Variants in ROBO2 observed in about 807,000 individuals in gnomAD.
The protein encoded by ROBO2 is roundabout homolog 2.
ROBO2 carries 53 observed loss-of-function variants against 160.8 expected under a neutral mutation model. That is an observed-to-expected ratio of 0.33 (90% CI 0.26 to 0.41). The LOEUF (loss-of-function observed/expected upper bound fraction) is 0.41, where lower values mean the gene tolerates loss of function less well. Among genes scored for constraint, ROBO2 ranks in the 10% least tolerant of loss-of-function variants. The pLI is 1.00. For missense variants in ROBO2, 1,577 were observed against 1,722.4 expected, an observed-to-expected ratio of 0.92 and a Z score of 1.49; for synonymous variants, 664 against 611.7, an observed-to-expected ratio of 1.09 and a Z score of -1.26.
At chr3:76,008,250 A>AAAAAG (rs1243693224) in intron 2 of ROBO2, among the ~76,000 whole-genome samples, 3 of 151,030 alleles carry the variant, frequency 2.0e-5, no homozygotes, top group African/African-American at 4.9e-5. Context: ...AAAAAAAAAA[A>AAAAAG]AAAAGAAAAG....
intron 2 of ROBO2, among the ~76,000 whole-genome samples, chr3:77,316,563 T>G (rs1208663776): frequency 1.3e-5 from 2 of 152,170 alleles, no homozygotes; most frequent in Non-Finnish European, 2.9e-5. Context: ...TGAAAGGATC[T>G]TTTTTGGAAA....
At chr3:75,978,271 C>T (rs931085240) in intron 2 of ROBO2, among the ~76,000 whole-genome samples, 3 of 151,388 alleles carry the variant, frequency 2.0e-5, no homozygotes, top group Non-Finnish European at 4.4e-5. Flanking sequence ...CACTAATGGG[C>T]TCTCCTTTTG....
intron 2 of ROBO2, among the ~76,000 whole-genome samples, chr3:76,572,106 A>C (rs72904561): frequency 0.046 from 7,069 of 152,244 alleles, 612 homozygotes; most frequent in African/African-American, 0.16. Flanking sequence ...TGTGGCACTT[A>C]CTATGTGTCA....
At chr3:76,198,178 G>A (rs1194305356) in intron 2 of ROBO2, among the ~76,000 whole-genome samples, 1 of 151,010 alleles carries the variant, frequency 6.6e-6, no homozygotes, top group African/African-American at 2.4e-5. Context: ...GGGAAGGGGA[G>A]ATCAGACATA....
At chr3:76,066,020 T>C (rs1452562585) in intron 2 of ROBO2, among the ~76,000 whole-genome samples, 5 of 151,584 alleles carry the variant, frequency 3.3e-5, no homozygotes, top group Admixed American at 3.3e-4. Flanking sequence ...GTTCCAAGAA[T>C]TCTCACTTTA....
intron 2 of ROBO2, among the ~76,000 whole-genome samples, chr3:77,124,689 ATAG>A (rs1455742701): frequency 6.6e-6 from 1 of 152,148 alleles, no homozygotes; most frequent in East Asian, 1.9e-4. Flanking sequence ...GGCTTCAGAA[ATAG>A]TAGTGCAGTT....
At chr3:77,094,134 C>T (rs1203367036) in intron 1 of ROBO2, among the ~76,000 whole-genome samples, 4 of 152,092 alleles carry the variant, frequency 2.6e-5, no homozygotes, top group African/African-American at 9.7e-5. Flanking sequence ...GCAGCACTTG[C>T]CCAGACCCCC....
intron 2 of ROBO2, among the ~76,000 whole-genome samples, chr3:76,318,495 G>A (rs1215838894): frequency 6.6e-6 from 1 of 151,994 alleles, no homozygotes. Flanking sequence ...ACACACATTT[G>A]TTTAAAAACT....
At position 75,999,107 on chromosome 3, in the gene ROBO2, G is replaced by A. The variant is rs184082700; in HGVS notation, c.109+61505G>A. The stretch of plus-strand genomic sequence containing the variant: ...CTCTGCTTTCTAGCTGTGTGATTTG[G>A]GTCAGGCTAGTTACTATCTGAGCCT... On this transcript the variant is annotated intron_variant, in intron 2 of 26. Transcript: ENST00000487694. Among the ~76,000 whole-genome samples the A allele has an allele frequency of 5.9e-5, 9 of 152,126 alleles. No individual in the cohort carries two copies. In the East Asian group the frequency reaches 1.2e-3, roughly 20 times the overall value.
chr3:76,355,988 A>G (rs2075140619), intron 2 of ROBO2, among the ~76,000 whole-genome samples: 1 of 151,784 alleles, frequency 6.6e-6, no homozygotes, highest in Non-Finnish European at 1.5e-5. Flanking sequence ...TTTATAGCAT[A>G]TGGAGAAGTA....
chr3:77,599,152 T>G (rs1258783256), intron 19 of ROBO2, among the ~76,000 whole-genome samples: 1 of 152,170 alleles, frequency 6.6e-6, no homozygotes, highest in Non-Finnish European at 1.5e-5. Flanking sequence ...ATCCATGTGA[T>G]AGTCATTTTA....
At chr3:76,738,327 GT>G (rs1269039875) in intron 2 of ROBO2, among the ~76,000 whole-genome samples, 5 of 152,180 alleles carry the variant, frequency 3.3e-5, no homozygotes, top group Non-Finnish European at 7.3e-5. Flanking sequence ...ACAGTGGAAT[GT>G]TGTTGGAAAG....
chr3:76,873,138 C>T (rs889528617), intron 2 of ROBO2, among the ~76,000 whole-genome samples: 14 of 152,020 alleles, frequency 9.2e-5, no homozygotes, highest in Admixed American at 5.9e-4. Context: ...ACTTTTAGTG[C>T]ACATTAAACA....
chr3:77,580,145 C>T (rs1247724766), intron 16 of ROBO2, 27 bp downstream of exon 17: 2 of 1,610,666 alleles, frequency 1.2e-6, no homozygotes, highest in African/African-American at 2.7e-5. Flanking sequence ...GTGGTCTGTG[C>T]TTTAGAATCA....
chr3:76,949,281 C>A (rs1346662235), intron 2 of ROBO2, among the ~76,000 whole-genome samples: 1 of 152,024 alleles, frequency 6.6e-6, no homozygotes, highest in Non-Finnish European at 1.5e-5. Context: ...TGTCAGAATC[C>A]TGCAAGTTGT....
At chr3:77,219,506 T>C (rs2085488357) in intron 2 of ROBO2, among the ~76,000 whole-genome samples, 1 of 143,426 alleles carries the variant, frequency 7.0e-6, no homozygotes, top group Non-Finnish European at 1.5e-5. Context: ...TATATATATA[T>C]ATATATATCT....
chr3:75,961,658 A>G (rs1948914804), intron 2 of ROBO2, among the ~76,000 whole-genome samples: 2 of 151,664 alleles, frequency 1.3e-5, no homozygotes, highest in African/African-American at 4.8e-5. Context: ...CATTTTGCAC[A>G]TCTGACTTCC....
At chr3:76,347,379 C>T (rs2074591994) in intron 2 of ROBO2, among the ~76,000 whole-genome samples, 1 of 152,018 alleles carries the variant, frequency 6.6e-6, no homozygotes, top group African/African-American at 2.4e-5. Flanking sequence ...TAGAAAATTT[C>T]TGTCAAAATT....
chr3:77,516,422 G>T (rs1180775505), intron 5 of ROBO2, among the ~76,000 whole-genome samples: 1 of 151,522 alleles, frequency 6.6e-6, no homozygotes, highest in Non-Finnish European at 1.5e-5. Context: ...CATAAGACAT[G>T]TGACTTGAAA....
Sources: gnomAD v4.1 joint callset for allele counts (sites outside exome capture counted in the v4.1 genomes callset) on GRCh38, gnomAD v4.1.1 for gene constraint, MANE v1.5 for transcripts, NCBI Gene and HGNC (gene_info 2026-07-23, HGNC 2026-07-21) for gene names.